Variants in PUDP observed in about 807,000 individuals in gnomAD.
The protein encoded by PUDP is pseudouridine 5'-phosphatase.
Under a neutral mutation model 9.4 loss-of-function variants are expected in PUDP, and 8 were observed. The ratio of observed to expected loss-of-function variants is 0.85; its 90% confidence interval spans 0.50 to 1.53. PUDP has a LOEUF of 1.53. PUDP is among the 40% of genes most tolerant of loss of function. PUDP has a pLI of 0.00. For synonymous variants in PUDP, 99 were observed against 80.7 expected (o/e 1.23, Z -1.22); for missense variants, 188 against 189.7 (o/e 0.99, Z 0.05).
intron 3 of PUDP, among the ~76,000 whole-genome samples, chrX:6,757,544 T>C (rs911285038): frequency 1.8e-5 from 2 of 111,173 alleles, no homozygotes; most frequent in African/African-American, 6.5e-5. Flanking sequence ...TTTTTTCCCC[T>C]GGAAGAAAAC....
At chrX:6,845,807 G>A (rs1017188801) in intron 3 of PUDP, among the ~76,000 whole-genome samples, 8 of 111,991 alleles carry the variant, frequency 7.1e-5, no homozygotes, top group Admixed American at 3.8e-4. Flanking sequence ...TGAAAACTAC[G>A]AGAAATACTA....
chrX:7,032,573 CAT>C (rs1475919169), intron 1 of PUDP, among the ~76,000 whole-genome samples: 6 of 112,170 alleles, frequency 5.3e-5, no homozygotes, highest in Admixed American at 9.5e-5. Context: ...AACGGAAACA[CAT>C]ATAAATCTCA....
rs1342120527 is a variant in PUDP, at chrX:7,050,266, GC to G, written c.*29del. The G allele has an allele frequency of 8.4e-7, 1 of 1,191,871 alleles. No individual in the cohort carries two copies. The highest frequency in any genetic ancestry group is 1.1e-6 in the Non-Finnish European group (1 of 881,544). ...CCAGCAGTGTGGACCATGAGAGTGG[GC>G]TGGGGGCGGAAGACTGAGGCCCTCC... On this transcript the variant is annotated 3_prime_UTR_variant, in exon 4 of 4. Coordinates refer to ENST00000381077, the MANE Select transcript of PUDP (RefSeq NM_012080.5).
intron 3 of PUDP, among the ~76,000 whole-genome samples, chrX:6,941,887 A>G (rs1440461541): frequency 1.8e-5 from 2 of 112,100 alleles, no homozygotes; most frequent in African/African-American, 6.5e-5. Flanking sequence ...AGAAAGAAAT[A>G]ATCTTTTTTC....
chrX:6,733,001 G>A (rs185751845), intron 3 of PUDP, among the ~76,000 whole-genome samples: 1 of 111,879 alleles, frequency 8.9e-6, no homozygotes, highest in South Asian at 3.7e-4. Flanking sequence ...CAAATTGCAC[G>A]CGCAAAGGTG....
At chrX:6,875,746 C>T (rs1254514740) in intron 3 of PUDP, among the ~76,000 whole-genome samples, 1 of 111,695 alleles carries the variant, frequency 9.0e-6, no homozygotes, top group African/African-American at 3.3e-5. Flanking sequence ...ATCTGGAACC[C>T]TAGCTGCAAG....
intron 3 of PUDP, among the ~76,000 whole-genome samples, chrX:6,828,631 T>C (rs753805922): frequency 1.6e-4 from 18 of 111,401 alleles, no homozygotes; most frequent in Admixed American, 1.1e-3. Context: ...AAATGTATCA[T>C]GACATTGGAT....
intron 3 of PUDP, among the ~76,000 whole-genome samples, chrX:6,826,632 AAAG>A (rs751024563): frequency 5.3e-5 from 6 of 112,442 alleles, no homozygotes; most frequent in South Asian, 3.7e-4. Flanking sequence ...CGTAGCAAAA[AAAG>A]AAGAAGAAAA....
chrX:7,102,187 A>C (rs1931753172), intron 2 of PUDP, among the ~76,000 whole-genome samples: 2 of 110,959 alleles, frequency 1.8e-5, no homozygotes, highest in Admixed American at 1.9e-4. Context: ...ACAGGTTAAA[A>C]AGTCTAAATA....
At chrX:6,918,931 G>A (rs1927976589) in intron 3 of PUDP, among the ~76,000 whole-genome samples, 1 of 112,086 alleles carries the variant, frequency 8.9e-6, no homozygotes, top group African/African-American at 3.2e-5. Context: ...TTCAAATTCA[G>A]AAACAAAATG....
intron 1 of PUDP, among the ~76,000 whole-genome samples, chrX:6,979,123 C>A (rs1414199909): frequency 7.1e-5 from 8 of 112,094 alleles, no homozygotes; most frequent in African/African-American, 2.6e-4. Flanking sequence ...CATAAAATGT[C>A]ATAATTTGTT....
At chrX:7,120,217 T>C (rs1417255125) in intron 1 of PUDP, among the ~76,000 whole-genome samples, 6 of 111,915 alleles carry the variant, frequency 5.4e-5, no homozygotes, top group Admixed American at 9.5e-5. Context: ...TTAAATTCCA[T>C]GGCAACAGGG....
intron 3 of PUDP, among the ~76,000 whole-genome samples, chrX:6,774,010 G>A (rs1336120178): frequency 9.0e-6 from 1 of 111,141 alleles, no homozygotes; most frequent in East Asian, 2.8e-4. Context: ...GTGGTGGTGG[G>A]CACCTGTAAT....
chrX:6,902,910 A>G (rs902232858), intron 3 of PUDP, among the ~76,000 whole-genome samples: 7 of 111,694 alleles, frequency 6.3e-5, no homozygotes, highest in African/African-American at 2.3e-4. Context: ...GAGGAGGGGG[A>G]AAAAGGAAAA....
At chrX:6,900,587 G>A in intron 3 of PUDP, among the ~76,000 whole-genome samples, 1 of 106,203 alleles carries the variant, frequency 9.4e-6, no homozygotes, top group Middle Eastern at 4.7e-3. Context: ...CGGAGAGGGA[G>A]AGAAAGAGAG....
At chrX:6,882,981 A>G in intron 3 of PUDP, among the ~76,000 whole-genome samples, 1 of 111,587 alleles carries the variant, frequency 9.0e-6, no homozygotes. Flanking sequence ...GGCTCTGCCT[A>G]AGACTGTGGA....
chrX:7,143,133 C>T (rs1436604943), intron 1 of PUDP, among the ~76,000 whole-genome samples: 1 of 75,522 alleles, frequency 1.3e-5, no homozygotes, highest in Non-Finnish European at 2.5e-5. Context: ...ATGACATGAT[C>T]CCTAGCACTT....
chrX:6,809,291 T>C (rs1371688470), intron 3 of PUDP, among the ~76,000 whole-genome samples: 1 of 110,154 alleles, frequency 9.1e-6, no homozygotes, highest in Non-Finnish European at 1.9e-5. Flanking sequence ...ATGGTCATCA[T>C]CAATATGCTT....
intron 3 of PUDP, among the ~76,000 whole-genome samples, chrX:6,803,704 A>G (rs770553225): frequency 8.9e-6 from 1 of 112,221 alleles, no homozygotes; most frequent in Non-Finnish European, 1.9e-5. Flanking sequence ...AGTAGTGAAG[A>G]AAATGGCACA....
Sources: allele counts gnomAD v4.1 joint callset (sites outside exome capture counted in the v4.1 genomes callset), GRCh38; gene constraint gnomAD v4.1.1; transcripts MANE v1.5; gene names NCBI Gene and HGNC (gene_info 2026-07-23, HGNC 2026-07-21).